Variants in GAB1 observed in about 807,000 individuals in gnomAD.
GAB1 encodes the protein GRB2-associated-binding protein 1.
A neutral mutation model predicts 66.5 loss-of-function variants in GAB1; 19 were observed. That is an observed-to-expected ratio of 0.29 (90% CI 0.20 to 0.42). GAB1 has a LOEUF of 0.42. GAB1 is among the 10% of genes least tolerant of loss of function. The probability of loss-of-function intolerance (pLI) is 1.00; values close to 1 mark genes in which losing one functional copy is unlikely to be tolerated. For synonymous variants in GAB1, 294 were observed against 301.4 expected (o/e 0.98, Z 0.25); for missense variants, 732 against 858.5 (o/e 0.85, Z 1.84).
chr4:143,340,259 A>T (rs1368690641), intron 1 of GAB1, among the ~76,000 whole-genome samples: 1 of 152,186 alleles, frequency 6.6e-6, no homozygotes, highest in Non-Finnish European at 1.5e-5. Flanking sequence ...TTGGCCACCC[A>T]GTAGGCAAAA....
At chr4:143,365,732 T>C (rs1207493791) in intron 1 of GAB1, among the ~76,000 whole-genome samples, 1 of 152,222 alleles carries the variant, frequency 6.6e-6, no homozygotes, top group African/African-American at 2.4e-5. Flanking sequence ...TAAGGGAGCT[T>C]TCGTGGCTGG....
chr4:143,370,537 C>T (rs1004480488), intron 1 of GAB1, among the ~76,000 whole-genome samples: 1 of 152,110 alleles, frequency 6.6e-6, no homozygotes, highest in African/African-American at 2.4e-5. Context: ...CTGCTGTCCT[C>T]ATTGATAGTA....
chr4:143,462,651 G>A (rs1306612377), intron 8 of GAB1, among the ~76,000 whole-genome samples: 1 of 151,764 alleles, frequency 6.6e-6, no homozygotes, highest in Non-Finnish European at 1.5e-5. Context: ...TAAACACAAT[G>A]TGGTGAATTT....
At chr4:143,410,123 C>A (rs1476976306) in intron 1 of GAB1, among the ~76,000 whole-genome samples, 2 of 151,858 alleles carry the variant, frequency 1.3e-5, no homozygotes, top group African/African-American at 4.8e-5. Flanking sequence ...TGGACTACCC[C>A]CGACCTCTTC....
chr4:143,434,437 C>G (rs1354331115), intron 3 of GAB1, among the ~76,000 whole-genome samples: 1 of 151,288 alleles, frequency 6.6e-6, no homozygotes, highest in Non-Finnish European at 1.5e-5. Context: ...TCACTGTAAC[C>G]CCAAACTCCT....
chr4:143,415,426 A>G, intron 1 of GAB1, 51 bp from the exon 2 acceptor site: 1 of 1,378,756 alleles, frequency 7.3e-7, no homozygotes, highest in East Asian at 2.3e-5. Context: ...CATCTTCTTG[A>G]AAACATTATC....
rs201791583 is a variant in GAB1, at chr4:143,446,687, G to A, written c.1585+6305G>A. On this transcript the variant is annotated intron_variant, in intron 6 of 9. Transcript: ENST00000262994. ...TTGTTTGAGTTCATTGTAGATTCTGGATATTAGCCCTTTGCCAGATGAGTA... is the reference window on the plus strand; with the variant it reads ...TTGTTTGAGTTCATTGTAGATTCTGAATATTAGCCCTTTGCCAGATGAGTA... 2.0e-4 allele frequency among the ~76,000 whole-genome samples: 30 copies of A among 152,254 alleles called. No homozygotes were observed. The East Asian group carries it at 5.6e-3, about 28-fold the overall frequency.
Position 143,378,408 on chromosome 4 carries a change from C to A in GAB1, c.73-37069C>A, listed in dbSNP as rs943975860. 3.3e-5 allele frequency among the ~76,000 whole-genome samples: 5 copies of A among 152,130 alleles called. No individual in the cohort carries two copies. The East Asian group carries it at 9.6e-4, about 29-fold the overall frequency. The stretch of plus-strand genomic sequence containing the variant: ...GATTTGCAAACTGTAAAGTCCTATG[C>A]AAATATACAATATATGTTCTGGTTC... On this transcript the variant is annotated intron_variant, in intron 1 of 9. Transcript: ENST00000262994.
chr4:143,420,402 G>A (rs1732948875), intron 2 of GAB1, among the ~76,000 whole-genome samples: 1 of 152,034 alleles, frequency 6.6e-6, no homozygotes, highest in Non-Finnish European at 1.5e-5. Flanking sequence ...TTTGATTCCA[G>A]GAACCTCTCA....
At chr4:143,371,690 A>G (rs1218796739) in intron 1 of GAB1, among the ~76,000 whole-genome samples, 1 of 152,182 alleles carries the variant, frequency 6.6e-6, no homozygotes, top group Non-Finnish European at 1.5e-5. Context: ...TAGGTCTAAC[A>G]TTTAAGTCTT....
chr4:143,385,048 T>C (rs975766675), intron 1 of GAB1, among the ~76,000 whole-genome samples: 6 of 152,120 alleles, frequency 3.9e-5, no homozygotes, highest in African/African-American at 1.4e-4. Flanking sequence ...AGGGAGTTGA[T>C]TTGGGGAAAT....
At chr4:143,408,047 CTTGT>C (rs1254218658) in intron 1 of GAB1, among the ~76,000 whole-genome samples, 3 of 151,912 alleles carry the variant, frequency 2.0e-5, no homozygotes, top group African/African-American at 2.4e-5. Context: ...CCCAACTTTT[CTTGT>C]TTGTTTGTTT....
chr4:143,421,248 T>G (rs1167512415), intron 2 of GAB1, among the ~76,000 whole-genome samples: 1 of 152,150 alleles, frequency 6.6e-6, no homozygotes, highest in African/African-American at 2.4e-5. Flanking sequence ...AGTTCTTCAT[T>G]CCTTGTAGCA....
At chr4:143,403,372 C>T (rs1731872893) in intron 1 of GAB1, among the ~76,000 whole-genome samples, 1 of 152,048 alleles carries the variant, frequency 6.6e-6, no homozygotes, top group African/African-American at 2.4e-5. Flanking sequence ...TTCCTGTTGA[C>T]CGAAGGTTAT....
At chr4:143,449,854 G>T (rs370220241) in intron 6 of GAB1, among the ~76,000 whole-genome samples, 1 of 151,314 alleles carries the variant, frequency 6.6e-6, no homozygotes, top group East Asian at 2.0e-4. Flanking sequence ...TGGTTATTTT[G>T]CTCATTAGTT....
intron 1 of GAB1, among the ~76,000 whole-genome samples, chr4:143,388,986 G>A (rs1731049046): frequency 5.9e-5 from 9 of 152,152 alleles, no homozygotes; most frequent in Admixed American, 5.9e-4. Flanking sequence ...CCACCTGCAG[G>A]AAAACTGCCC....
At chr4:143,466,819 G>C (rs1735816974) in intron 9 of GAB1, among the ~76,000 whole-genome samples, 1 of 152,002 alleles carries the variant, frequency 6.6e-6, no homozygotes, top group Non-Finnish European at 1.5e-5. Flanking sequence ...AAGTTAACCA[G>C]TCTAGTGTCT....
chr4:143,393,004 C>T (rs1318007615), intron 1 of GAB1, among the ~76,000 whole-genome samples: 2 of 151,866 alleles, frequency 1.3e-5, no homozygotes, highest in East Asian at 3.9e-4. Context: ...ACCTGCAGTT[C>T]TTTGATTTTG....
intron 6 of GAB1, among the ~76,000 whole-genome samples, chr4:143,442,353 T>C (rs758417722): frequency 6.6e-6 from 1 of 152,120 alleles, no homozygotes; most frequent in Non-Finnish European, 1.5e-5. Flanking sequence ...TTGGGTGAGG[T>C]TACAAAGCTT....
Sources: gnomAD v4.1 joint callset for allele counts (sites outside exome capture counted in the v4.1 genomes callset) on GRCh38, gnomAD v4.1.1 for gene constraint, MANE v1.5 for transcripts, NCBI Gene and HGNC (gene_info 2026-07-23, HGNC 2026-07-21) for gene names.